The following PTPRD variants were observed in gnomAD, a reference collection of about 807,000 sequenced individuals.
PTPRD encodes the protein protein tyrosine phosphatase receptor type D.
PTPRD carries 34 observed loss-of-function variants against 214.5 expected under a neutral mutation model. The ratio of observed to expected loss-of-function variants is 0.16; its 90% CI spans 0.12 to 0.21. The LOEUF (loss-of-function observed/expected upper bound fraction) is 0.21. Ranked by LOEUF, PTPRD falls within the 10% of genes least tolerant of loss-of-function variation. PTPRD has a pLI of 1.00. For synonymous variants in PTPRD, 1,128 were observed against 845.7 expected, an observed-to-expected ratio of 1.33 and a Z score of -5.79; for missense variants, 2,545 against 2,398.7, an observed-to-expected ratio of 1.06 and a Z score of -1.27.
chr9:9,578,045 CAAAAAAAAAAAAAAAAA>C (rs34128512), intron 7 of PTPRD, among the ~76,000 whole-genome samples: 1 of 102,422 alleles, frequency 9.8e-6, no homozygotes, highest in Admixed American at 1.2e-4. Context: ...GACTCTGTCT[CAAAAAAAAAAAAAAAAA>C]AAAAAAAAAG....
chr9:8,879,652 T>C (rs1476403553), intron 11 of PTPRD, among the ~76,000 whole-genome samples: 1 of 152,162 alleles, frequency 6.6e-6, no homozygotes, highest in Non-Finnish European at 1.5e-5. Context: ...GAGGGAAGAA[T>C]ACTATTTAAT....
At chr9:10,467,578 A>G (rs2099003002) in intron 2 of PTPRD, among the ~76,000 whole-genome samples, 1 of 152,120 alleles carries the variant, frequency 6.6e-6, no homozygotes, top group African/African-American at 2.4e-5. Flanking sequence ...AAATATATAA[A>G]CGTGTGTGTA....
At chr9:9,315,181 A>C (rs749971355) in intron 9 of PTPRD, among the ~76,000 whole-genome samples, 11 of 152,068 alleles carry the variant, frequency 7.2e-5, no homozygotes, top group Non-Finnish European at 1.6e-4. Flanking sequence ...AAAGATAAAG[A>C]AGCTGAATTT....
At chr9:8,807,103 G>A (rs77454371) in intron 11 of PTPRD, among the ~76,000 whole-genome samples, 7,378 of 152,172 alleles carry the variant, frequency 0.048, 568 homozygotes, top group African/African-American at 0.16. Context: ...TTGGGAGGCC[G>A]ACGCAGGTGG....
intron 10 of PTPRD, among the ~76,000 whole-genome samples, chr9:9,048,353 C>T (rs1456635524): frequency 6.6e-6 from 1 of 152,148 alleles, no homozygotes; most frequent in Admixed American, 6.6e-5. Context: ...ATCTGCACTC[C>T]TATTTTTATT....
chr9:8,989,287 T>C (rs1389338364), intron 11 of PTPRD, among the ~76,000 whole-genome samples: 1 of 151,946 alleles, frequency 6.6e-6, no homozygotes, highest in African/African-American at 2.4e-5. Context: ...TTCCCTACTC[T>C]ACTATTGAAT....
intron 3 of PTPRD, among the ~76,000 whole-genome samples, chr9:10,299,364 A>T (rs1010686485): frequency 6.6e-6 from 1 of 152,168 alleles, no homozygotes; most frequent in Non-Finnish European, 1.5e-5. Context: ...TATGACAAAG[A>T]ACTTCCCTGG....
intron 3 of PTPRD, among the ~76,000 whole-genome samples, chr9:10,216,377 T>C (rs1221052617): frequency 6.6e-6 from 1 of 151,884 alleles, no homozygotes; most frequent in Non-Finnish European, 1.5e-5. Context: ...AGGTGGGGGT[T>C]CACTTTATTA....
At chr9:8,801,838 T>C (rs138951122) in intron 11 of PTPRD, among the ~76,000 whole-genome samples, 2,993 of 152,328 alleles carry the variant, frequency 0.02, 78 homozygotes, top group Admixed American at 0.074. Flanking sequence ...TTAGTCTCAA[T>C]ATTAACCCTT....
At chr9:9,949,624 A>G (rs1012431988) in intron 4 of PTPRD, among the ~76,000 whole-genome samples, 28 of 152,186 alleles carry the variant, frequency 1.8e-4, no homozygotes, top group African/African-American at 6.8e-4. Context: ...TCCTAGTCCT[A>G]CTACGGAGTA....
chr9:9,101,950 A>G (rs573959687), intron 10 of PTPRD, among the ~76,000 whole-genome samples: 1 of 152,294 alleles, frequency 6.6e-6, no homozygotes, highest in South Asian at 2.1e-4. Flanking sequence ...CCTCTTGGCT[A>G]TATTTGCATG....
At chr9:9,177,439 G>C (rs1450498271) in intron 10 of PTPRD, among the ~76,000 whole-genome samples, 1 of 152,034 alleles carries the variant, frequency 6.6e-6, no homozygotes, top group East Asian at 1.9e-4. Flanking sequence ...GAAGTGAACT[G>C]ATAAGTACTG....
At chr9:9,410,839 T>C (rs914805) in intron 8 of PTPRD, among the ~76,000 whole-genome samples, 133,426 of 152,146 alleles carry the variant, frequency 0.88, 58,679 homozygotes, top group African/African-American at 0.92. Flanking sequence ...CATACACATG[T>C]AAACAAGAAA....
intron 2 of PTPRD, among the ~76,000 whole-genome samples, chr9:10,581,596 G>A (rs2071837593): frequency 6.6e-6 from 1 of 152,114 alleles, no homozygotes; most frequent in Non-Finnish European, 1.5e-5. Flanking sequence ...TAGTTACCAG[G>A]AATCAAATTA....
chr9:8,848,845 C>G (rs1386776187), intron 11 of PTPRD, among the ~76,000 whole-genome samples: 1 of 126,934 alleles, frequency 7.9e-6, no homozygotes, highest in East Asian at 2.2e-4. Flanking sequence ...ATGGATCAAC[C>G]CTCTTCTGTG....
chr9:9,490,081 T>C (rs958394824), intron 8 of PTPRD, among the ~76,000 whole-genome samples: 13 of 152,240 alleles, frequency 8.5e-5, no homozygotes, highest in African/African-American at 2.9e-4. Flanking sequence ...AAACTATAGA[T>C]GCCAGAAGCT....
intron 8 of PTPRD, among the ~76,000 whole-genome samples, chr9:9,467,840 T>A (rs2094321608): frequency 6.6e-6 from 1 of 152,096 alleles, no homozygotes; most frequent in East Asian, 1.9e-4. Context: ...AACCACTTAA[T>A]TTTCTGTAAA....
At chr9:10,365,535 T>G (rs76726793) in intron 2 of PTPRD, among the ~76,000 whole-genome samples, 3,241 of 152,270 alleles carry the variant, frequency 0.021, 109 homozygotes, top group African/African-American at 0.075. Flanking sequence ...TCCTATTTCC[T>G]CAAGTAGAAT....
rs150252940 is a variant in PTPRD, at chr9:10,129,704, C to T, written c.-544-95914G>A. Among the ~76,000 whole-genome samples, 400 of 151,948 alleles carry T rather than the reference C, an allele frequency of 2.6e-3. 1 individual carries two copies. Among genetic ancestry groups the T allele is most frequent in the African/African-American group, 9.0e-3 (372 of 41,478 alleles). On this transcript the variant is annotated intron_variant, in intron 3 of 45. Transcript: ENST00000381196. Reference sequence around the variant, plus strand: ...ATGCAAGCTGGTACATTATAATTACCGTTCTGTCAGTAGCAAAGTAAAGTC... The same window carrying T: ...ATGCAAGCTGGTACATTATAATTACTGTTCTGTCAGTAGCAAAGTAAAGTC...
Sources: allele counts gnomAD v4.1 joint callset (sites outside exome capture counted in the v4.1 genomes callset), GRCh38; gene constraint gnomAD v4.1.1; transcripts MANE v1.5; gene names NCBI Gene and HGNC (gene_info 2026-07-23, HGNC 2026-07-21).